The following SLC39A11 variants were observed in gnomAD, a reference collection of about 807,000 sequenced individuals.
SLC39A11 encodes the protein zinc transporter ZIP11.
SLC39A11 carries 33 observed loss-of-function variants against 36.1 expected under a neutral mutation model. The ratio of observed to expected loss-of-function variants is 0.91; its 90% CI spans 0.69 to 1.22. The LOEUF is 1.22. Ranked by LOEUF, SLC39A11 falls within the 50% of genes most tolerant of loss-of-function variation. The pLI, the probability that SLC39A11 is intolerant of heterozygous loss-of-function variation, is 0.00. For synonymous variants in SLC39A11, 166 were observed against 170.3 expected, an observed-to-expected ratio of 0.97 and a Z score of 0.20; for missense variants, 432 against 430.3, an observed-to-expected ratio of 1.00 and a Z score of -0.03.
chr17:72,934,073 T>A (rs1454845164), intron 5 of SLC39A11, among the ~76,000 whole-genome samples: 2 of 152,078 alleles, frequency 1.3e-5, no homozygotes. Flanking sequence ...GACACCATAT[T>A]TTTTTGAAAC....
At chr17:72,912,090 C>T (rs1257594321) in intron 5 of SLC39A11, among the ~76,000 whole-genome samples, 2 of 152,144 alleles carry the variant, frequency 1.3e-5, no homozygotes, top group Admixed American at 1.3e-4. Context: ...ACCCAAGGAG[C>T]GTGCCAACAC....
Position 72,900,918 on chromosome 17 carries a change from T to G in SLC39A11, c.430+46834A>C, listed in dbSNP as rs74604346. Among the ~76,000 whole-genome samples the G allele has an allele frequency of 6.9e-3, 1,049 of 151,120 alleles. 12 individuals carry two copies. The highest frequency in any genetic ancestry group is 0.025 in the African/African-American group (1,013 of 41,020). The stretch of plus-strand genomic sequence containing the variant: ...GCATCTTCCTTTTCTGAAACAAAAT[T>G]CGAGCTTCAAAAGGTCACCTGCATG... On this transcript the variant is annotated intron_variant, in intron 5 of 9. Transcript: ENST00000255559.
chr17:72,900,020 AAGAGAGAGAGAGAGAAAGAG>A (rs1205208153), intron 5 of SLC39A11, among the ~76,000 whole-genome samples: 1 of 136,262 alleles, frequency 7.3e-6, no homozygotes, highest in African/African-American at 2.9e-5. Context: ...GAGAGAGAGA[AAGAGAGAGAGAGAGAAAGAG>A]AGAGAGAAAG....
chr17:72,683,119 G>A (rs1284433056), intron 7 of SLC39A11, among the ~76,000 whole-genome samples: 2 of 152,122 alleles, frequency 1.3e-5, no homozygotes, highest in African/African-American at 2.4e-5. Context: ...AATGTTTTGG[G>A]TGCCCCCTAC....
chr17:72,708,704 T>C (rs1399335382), intron 7 of SLC39A11, among the ~76,000 whole-genome samples: 1 of 152,228 alleles, frequency 6.6e-6, no homozygotes, highest in Non-Finnish European at 1.5e-5. Flanking sequence ...AGCAGTTCCA[T>C]TCAGTCTCCT....
intron 6 of SLC39A11, among the ~76,000 whole-genome samples, chr17:72,822,352 T>C (rs1042090151): frequency 6.7e-6 from 1 of 148,580 alleles, no homozygotes; most frequent in Non-Finnish European, 1.5e-5. Flanking sequence ...AGAATATATA[T>C]ATAGAGAGAG....
At chr17:72,693,524 C>G (rs1298893192) in intron 7 of SLC39A11, among the ~76,000 whole-genome samples, 1 of 152,158 alleles carries the variant, frequency 6.6e-6, no homozygotes, top group African/African-American at 2.4e-5. Flanking sequence ...ATAAACTGTC[C>G]ATTCCTTGGG....
At chr17:73,071,144 A>T (rs999836311) in intron 3 of SLC39A11, among the ~76,000 whole-genome samples, 9 of 152,154 alleles carry the variant, frequency 5.9e-5, no homozygotes, top group African/African-American at 1.7e-4. Flanking sequence ...AACTTCCCCA[A>T]AGCCAGAGAA....
At chr17:72,830,863 G>T (rs1291154783) in intron 6 of SLC39A11, among the ~76,000 whole-genome samples, 4 of 152,076 alleles carry the variant, frequency 2.6e-5, no homozygotes, top group Non-Finnish European at 5.9e-5. Context: ...CTCCATGGGG[G>T]CACTGACTCA....
rs188671583 is a variant in SLC39A11, at chr17:73,080,983, T to G, written c.147+3825A>C. Among the ~76,000 whole-genome samples, 319 of 149,408 alleles carry G rather than the reference T, an allele frequency of 2.1e-3. 1 individual carries two copies. Among genetic ancestry groups the G allele is most frequent in the Middle Eastern group, 0.014 (4 of 292 alleles). On this transcript the variant is annotated intron_variant, in intron 3 of 9. Coordinates refer to ENST00000255559, the MANE Select transcript of SLC39A11 (RefSeq NM_139177.4). ...ATAAATAAATAAATAAATAAATAAATAAATAATAAAAAGCTTCTTCACAGC... is the reference window on the plus strand; with the variant it reads ...ATAAATAAATAAATAAATAAATAAAGAAATAATAAAAAGCTTCTTCACAGC...
intron 4 of SLC39A11, among the ~76,000 whole-genome samples, chr17:72,971,206 G>A (rs556226622): frequency 4.9e-4 from 75 of 152,162 alleles, no homozygotes; most frequent in African/African-American, 1.6e-3. Flanking sequence ...ATTTGGGAAC[G>A]GTTGAGAACT....
intron 9 of SLC39A11, 42 bp from the exon 10 acceptor site, chr17:72,647,704 C>T: frequency 6.4e-7 from 1 of 1,554,258 alleles, no homozygotes. Context: ...CCTTAATGAT[C>T]CCTGAGGCCA....
chr17:72,911,028 TCAG>T (rs1319176942), intron 5 of SLC39A11, among the ~76,000 whole-genome samples: 1 of 151,746 alleles, frequency 6.6e-6, no homozygotes, highest in Non-Finnish European at 1.5e-5. Context: ...TACTCACAAC[TCAG>T]TATAGGTTCT....
intron 6 of SLC39A11, among the ~76,000 whole-genome samples, chr17:72,737,586 A>G (rs142882589): frequency 5.3e-4 from 80 of 151,298 alleles, no homozygotes; most frequent in African/African-American, 1.9e-3. Flanking sequence ...TTTAGTTTTC[A>G]TTTTTTTTTC....
intron 5 of SLC39A11, among the ~76,000 whole-genome samples, chr17:72,928,143 A>G (rs2084167386): frequency 6.6e-6 from 1 of 152,206 alleles, no homozygotes; most frequent in Non-Finnish European, 1.5e-5. Context: ...TATAAAAGAA[A>G]ACAAGTATCC....
At chr17:72,942,225 G>T (rs780176608) in intron 5 of SLC39A11, among the ~76,000 whole-genome samples, 13 of 152,008 alleles carry the variant, frequency 8.6e-5, no homozygotes, top group Non-Finnish European at 1.8e-4. Flanking sequence ...TCTTAGCCCA[G>T]AAAGGAGGTA....
intron 4 of SLC39A11, among the ~76,000 whole-genome samples, chr17:72,983,825 T>A (rs34482622): frequency 6.6e-6 from 1 of 151,856 alleles, no homozygotes; most frequent in African/African-American, 2.4e-5. Flanking sequence ...AAAAGAGGGG[T>A]TGCTGAGAGC....
At chr17:72,765,908 C>G (rs1248887407) in intron 6 of SLC39A11, among the ~76,000 whole-genome samples, 1 of 152,192 alleles carries the variant, frequency 6.6e-6, no homozygotes, top group Non-Finnish European at 1.5e-5. Flanking sequence ...AGACAGCTCT[C>G]AGCATGGCCA....
chr17:73,000,294 T>TTCTC (rs1221124032), intron 4 of SLC39A11, among the ~76,000 whole-genome samples: 2 of 143,576 alleles, frequency 1.4e-5, no homozygotes, highest in Non-Finnish European at 1.5e-5. Context: ...TCTCTCTGCC[T>TTCTC]TCTCTCTCTC....
Sources: allele counts gnomAD v4.1 joint callset (sites outside exome capture counted in the v4.1 genomes callset), GRCh38; gene constraint gnomAD v4.1.1; transcripts MANE v1.5; gene names NCBI Gene and HGNC (gene_info 2026-07-23, HGNC 2026-07-21).